The following GNAQ variants were observed in gnomAD, a reference collection of about 807,000 sequenced individuals.
GNAQ encodes G protein subunit alpha q, also known as guanine nucleotide-binding protein G(q) subunit alpha.
In GNAQ, 8 loss-of-function variants were observed where a neutral mutation model predicts 43.9. The ratio of observed to expected loss-of-function variants is 0.18; its 90% CI spans 0.11 to 0.33. GNAQ has a LOEUF of 0.33. GNAQ is among the 10% of genes least tolerant of loss of function. GNAQ has a pLI of 1.00. For missense variants in GNAQ, 158 were observed against 450.8 expected, an observed-to-expected ratio of 0.35 and a Z score of 5.88; for synonymous variants, 155 against 170.7, an observed-to-expected ratio of 0.91 and a Z score of 0.71.
intron 5 of GNAQ, among the ~76,000 whole-genome samples, chr9:77,758,733 A>T: frequency 6.6e-6 from 1 of 152,262 alleles, no homozygotes; most frequent in Middle Eastern, 3.4e-3. Context: ...AAACTGTTCT[A>T]TGTCAGCACA....
At chr9:77,982,594 A>C (rs1480257171) in intron 1 of GNAQ, among the ~76,000 whole-genome samples, 1 of 152,248 alleles carries the variant, frequency 6.6e-6, no homozygotes, top group East Asian at 1.9e-4. Flanking sequence ...GAACTCCCTG[A>C]AAAGCTTTTT....
At chr9:77,915,635 G>A (rs981876549) in intron 2 of GNAQ, among the ~76,000 whole-genome samples, 3 of 148,666 alleles carry the variant, frequency 2.0e-5, no homozygotes, top group Non-Finnish European at 3.0e-5. Flanking sequence ...TAAAACAATT[G>A]AAGCTGGCGG....
chr9:77,731,887 T>C (rs1212909930), intron 5 of GNAQ, among the ~76,000 whole-genome samples: 7 of 152,190 alleles, frequency 4.6e-5, no homozygotes, highest in Non-Finnish European at 1.5e-5. Context: ...CAGACTTCTT[T>C]TTTTCCCCCC....
intron 2 of GNAQ, among the ~76,000 whole-genome samples, chr9:77,863,103 G>A (rs1420190213): frequency 2.0e-5 from 3 of 151,772 alleles, no homozygotes; most frequent in African/African-American, 7.3e-5. Context: ...GAACCCGGGA[G>A]GCAGAAGTTG....
chr9:77,920,559 C>A (rs999406872), intron 2 of GNAQ, among the ~76,000 whole-genome samples: 1 of 152,104 alleles, frequency 6.6e-6, no homozygotes, highest in Non-Finnish European at 1.5e-5. Flanking sequence ...AGCATGCTAA[C>A]GATTTCAGAA....
chr9:78,014,792 G>GT (rs1177671829), intron 1 of GNAQ, among the ~76,000 whole-genome samples: 1 of 152,070 alleles, frequency 6.6e-6, no homozygotes, highest in Non-Finnish European at 1.5e-5. Context: ...TCTCATCGAC[G>GT]TTTTTTAGGT....
chr9:77,758,137 G>A (rs1299552150), intron 5 of GNAQ, among the ~76,000 whole-genome samples: 3 of 152,196 alleles, frequency 2.0e-5, no homozygotes, highest in Non-Finnish European at 4.4e-5. Flanking sequence ...CCAGTGGTGG[G>A]ACCATCTTTA....
At chr9:77,978,943 C>A (rs1410529327) in intron 1 of GNAQ, among the ~76,000 whole-genome samples, 1 of 152,156 alleles carries the variant, frequency 6.6e-6, no homozygotes, top group African/African-American at 2.4e-5. Context: ...GTAATCCCAG[C>A]TACTCAGGAG....
intron 1 of GNAQ, among the ~76,000 whole-genome samples, chr9:77,953,955 C>T (rs1823012417): frequency 6.6e-6 from 1 of 152,138 alleles, no homozygotes; most frequent in South Asian, 2.1e-4. Context: ...ATTATCTATT[C>T]CTATCAAATT....
intron 2 of GNAQ, among the ~76,000 whole-genome samples, chr9:77,910,283 A>T (rs1276002011): frequency 2.0e-5 from 3 of 152,196 alleles, no homozygotes; most frequent in Non-Finnish European, 4.4e-5. Context: ...CTCGACCTCC[A>T]TTCAGGCATT....
At chr9:78,016,380 A>T (rs958768536) in intron 1 of GNAQ, among the ~76,000 whole-genome samples, 1 of 152,192 alleles carries the variant, frequency 6.6e-6, no homozygotes, top group Non-Finnish European at 1.5e-5. Context: ...GAAAACCATC[A>T]AAGTTTTAGA....
At chr9:77,797,882 T>C (rs1826682073) in intron 3 of GNAQ, among the ~76,000 whole-genome samples, 1 of 152,186 alleles carries the variant, frequency 6.6e-6, no homozygotes, top group South Asian at 2.1e-4. Flanking sequence ...TCTCTTATTA[T>C]CAATTAGAAC....
chr9:77,842,341 G>T (rs995116505), intron 2 of GNAQ, among the ~76,000 whole-genome samples: 2 of 152,134 alleles, frequency 1.3e-5, no homozygotes, highest in African/African-American at 2.4e-5. Context: ...TTTACGGTCT[G>T]ATCAATCCTG....
intron 5 of GNAQ, among the ~76,000 whole-genome samples, chr9:77,780,952 AT>A (rs35437600): frequency 0.8 from 103,813 of 130,404 alleles, 40,949 homozygotes; most frequent in African/African-American, 0.87. Flanking sequence ...TATTAATTGG[AT>A]TTTTTTTTTT....
At chr9:77,992,107 T>C (rs1201346957) in intron 1 of GNAQ, among the ~76,000 whole-genome samples, 3 of 152,256 alleles carry the variant, frequency 2.0e-5, no homozygotes, top group African/African-American at 4.8e-5. Flanking sequence ...CTGGATCGAA[T>C]GGTAGTTCTA....
chr9:77,744,368 G>C (rs1825698675), intron 5 of GNAQ, among the ~76,000 whole-genome samples: 1 of 152,098 alleles, frequency 6.6e-6, no homozygotes, highest in African/African-American at 2.4e-5. Flanking sequence ...GAGCCTTTTG[G>C]ATAATTTACT....
chr9:77,810,996 T>A (rs1400362276), intron 3 of GNAQ, among the ~76,000 whole-genome samples: 2 of 152,150 alleles, frequency 1.3e-5, no homozygotes, highest in East Asian at 3.8e-4. Flanking sequence ...CTGCTCCCAG[T>A]ATTTTTTTAA....
Position 78,031,440 on chromosome 9 carries a change from C to G in GNAQ, c.-205G>C. On this transcript the variant is annotated 5_prime_UTR_variant, in exon 1 of 7. Coordinates refer to ENST00000286548, the MANE Select transcript of GNAQ (RefSeq NM_002072.5). ...AGGTGGGCCGGGGGCGCGGTGGGAG[C>G]GGATAGTCTGGGCCGACGGGAGAAG... The G allele has an allele frequency of 4.7e-6, 1 of 213,800 alleles. No homozygotes were observed. Among genetic ancestry groups the G allele is most frequent in the Non-Finnish European group, 9.2e-6 (1 of 108,848 alleles). The allele number at this position is 213,800 out of a possible 1,614,324, so 13.2% of individuals were successfully genotyped here.
intron 1 of GNAQ, among the ~76,000 whole-genome samples, chr9:77,977,191 T>C (rs1420872793): frequency 6.6e-6 from 1 of 152,120 alleles, no homozygotes; most frequent in East Asian, 1.9e-4. Flanking sequence ...GGCAGAGCGC[T>C]TCCTTCAGCT....
Sources: allele counts gnomAD v4.1 joint callset (sites outside exome capture counted in the v4.1 genomes callset), GRCh38; gene constraint gnomAD v4.1.1; transcripts MANE v1.5; gene names NCBI Gene and HGNC (gene_info 2026-07-23, HGNC 2026-07-21).